The following BANP variants were observed in gnomAD, a reference collection of about 807,000 sequenced individuals.
BANP encodes BTG3 associated nuclear protein.
BANP carries 11 observed loss-of-function variants against 68.1 expected under a neutral mutation model. That is an observed-to-expected ratio of 0.16 (90% CI 0.10 to 0.27). The LOEUF (loss-of-function observed/expected upper bound fraction) is 0.27. Among genes scored for constraint, BANP ranks in the 10% least tolerant of loss-of-function variants. BANP has a pLI of 1.00. For synonymous variants in BANP, 329 were observed against 303.2 expected, an observed-to-expected ratio of 1.09 and a Z score of -0.88; for missense variants, 504 against 722.7, an observed-to-expected ratio of 0.70 and a Z score of 3.47.
At chr16:87,982,591 A>G (rs1193938121) in intron 3 of BANP, 6 of 152,204 alleles carry the variant, frequency 3.9e-5, no homozygotes, top group Admixed American at 2.6e-4. Context: ...CGTGGGCTTG[A>G]GTCCACCTGA....
intron 4 of BANP, among the ~76,000 whole-genome samples, chr16:87,994,060 G>C (rs374107450): frequency 3.9e-5 from 6 of 152,190 alleles, no homozygotes; most frequent in African/African-American, 1.4e-4. Flanking sequence ...ACCAGGATGC[G>C]GTGTTTGGAG....
At chr16:88,031,252 C>T (rs191934999) in intron 8 of BANP, among the ~76,000 whole-genome samples, 2 of 152,358 alleles carry the variant, frequency 1.3e-5, no homozygotes, top group East Asian at 3.9e-4. Context: ...CCACATGCAG[C>T]ATGCAGGTGG....
chr16:87,997,096 T>C (rs773499964), intron 4 of BANP, among the ~76,000 whole-genome samples: 6 of 152,178 alleles, frequency 3.9e-5, no homozygotes, highest in Non-Finnish European at 8.8e-5. Flanking sequence ...AAGCTCAGCG[T>C]AGAAAATGTT....
At chr16:87,993,214 T>G (rs967078704) in intron 4 of BANP, among the ~76,000 whole-genome samples, 9 of 152,212 alleles carry the variant, frequency 5.9e-5, no homozygotes, top group Non-Finnish European at 8.8e-5. Flanking sequence ...CTGAGGTGGC[T>G]CTTCAGCATT....
chr16:87,953,090 G>A (rs117600351), intron 1 of BANP, among the ~76,000 whole-genome samples: 1 of 151,898 alleles, frequency 6.6e-6, no homozygotes, highest in South Asian at 2.1e-4. Context: ...CAGAGGCTGC[G>A]TCCACTTTAT....
At chr16:88,011,701 A>C (rs1013951275) in intron 6 of BANP, among the ~76,000 whole-genome samples, 1 of 152,176 alleles carries the variant, frequency 6.6e-6, no homozygotes, top group Non-Finnish European at 1.5e-5. Flanking sequence ...ATGTCACATA[A>C]TCATAAAGTC....
chr16:88,026,975 G>A (rs2077122272), intron 7 of BANP, among the ~76,000 whole-genome samples: 2 of 152,254 alleles, frequency 1.3e-5, no homozygotes, highest in Non-Finnish European at 2.9e-5. Context: ...GGGCCAGGTG[G>A]TTATCCAGGG....
At chr16:88,069,632 A>T (rs2089785554) in intron 12 of BANP, among the ~76,000 whole-genome samples, 1 of 152,054 alleles carries the variant, frequency 6.6e-6, no homozygotes, top group Non-Finnish European at 1.5e-5. Flanking sequence ...ACTGCTCCTA[A>T]CCCCACCCAG....
rs558747295 is a variant in BANP at position 88,072,903 on chromosome 16, A to C, written c.1521+691A>C. Among the ~76,000 whole-genome samples the C allele has an allele frequency of 4.6e-5, 7 of 152,040 alleles. No homozygotes were observed. In the East Asian group the frequency reaches 1.2e-3, roughly 25 times the overall value. On this transcript the variant is annotated intron_variant, in intron 13 of 13. Coordinates refer to ENST00000682872, the MANE Select transcript of BANP (RefSeq NM_001386991.1). ...CCAGCGGGGACGTTGTCCTTGTTCT[A>C]CCTCCAGCCTGGTGGTTGGCTGCTG...
chr16:87,964,151 A>G (rs1399197870), intron 1 of BANP, among the ~76,000 whole-genome samples: 3 of 152,230 alleles, frequency 2.0e-5, no homozygotes, highest in East Asian at 1.9e-4. Flanking sequence ...ACACACTTTG[A>G]AAACCTTAAT....
At chr16:87,984,460 G>A (rs920749791) in intron 4 of BANP, among the ~76,000 whole-genome samples, 1 of 152,244 alleles carries the variant, frequency 6.6e-6, no homozygotes, top group Admixed American at 6.5e-5. Context: ...ATGACCTGAA[G>A]TCATCCTCAC....
intron 4 of BANP, among the ~76,000 whole-genome samples, chr16:87,988,571 CAAATATTTTG>C (rs1485486137): frequency 6.6e-6 from 1 of 152,090 alleles, no homozygotes; most frequent in Admixed American, 6.5e-5. Context: ...GGCCGGGACT[CAAATATTTTG>C]AATGAAGATT....
chr16:88,065,470 A>G, intron 12 of BANP, 138 bp downstream of exon 12: 1 of 585,402 alleles, frequency 1.7e-6, no homozygotes, highest in South Asian at 2.3e-5. Flanking sequence ...CAGTTGAGCC[A>G]CATCTGTGAG....
chr16:88,065,153 C>T, intron 11 of BANP, 114 bp from the exon 12 acceptor site: 1 of 591,338 alleles, frequency 1.7e-6, no homozygotes, highest in Admixed American at 2.8e-5. Flanking sequence ...ACCACAGACC[C>T]CGTGGCTTTA....
At chr16:88,023,197 G>A (rs2076336490) in intron 7 of BANP, among the ~76,000 whole-genome samples, 1 of 152,186 alleles carries the variant, frequency 6.6e-6, no homozygotes, top group South Asian at 2.1e-4. Context: ...GTGGGCTTCA[G>A]GCAGAAAAGT....
chr16:87,975,475 G>A (rs912271455), intron 2 of BANP, among the ~76,000 whole-genome samples: 2 of 152,186 alleles, frequency 1.3e-5, no homozygotes, highest in South Asian at 2.1e-4. Context: ...CTCCCCTGCC[G>A]CGTCCCTGTG....
intron 6 of BANP, among the ~76,000 whole-genome samples, chr16:88,008,001 GAAGC>G (rs1383899871): frequency 6.6e-6 from 1 of 152,150 alleles, no homozygotes; most frequent in Non-Finnish European, 1.5e-5. Context: ...ACCCCCAGAA[GAAGC>G]CCTGTGCCCA....
rs758436714 is a variant in BANP, at chr16:88,057,951, G to A, written c.1312-7316G>A. 3.9e-5 allele frequency among the ~76,000 whole-genome samples: 6 copies of A among 152,316 alleles called. No individual in the cohort carries two copies. The South Asian group carries it at 8.3e-4, about 21-fold the overall frequency. ...AGGCGCCGAGGCTCGGTGTGGGCCCGTGGGCCTGATTGAAGTCACACTCCT... is the reference window on the plus strand; with the variant it reads ...AGGCGCCGAGGCTCGGTGTGGGCCCATGGGCCTGATTGAAGTCACACTCCT... On this transcript the variant is annotated intron_variant, in intron 11 of 13. Transcript: ENST00000682872. The surrounding 1 kb of genome is among the most constrained non-coding windows in gnomAD (Gnocchi z 4.6).
chr16:87,982,523 A>G (rs1403030118), intron 3 of BANP: 1 of 152,212 alleles, frequency 6.6e-6, no homozygotes, highest in African/African-American at 2.4e-5. Context: ...ACGACGATGC[A>G]TGTTTGTCAT....
Sources: allele counts gnomAD v4.1 joint callset (sites outside exome capture counted in the v4.1 genomes callset), GRCh38; gene constraint gnomAD v4.1.1; non-coding constraint Gnocchi (gnomAD v3.1); transcripts MANE v1.5; gene names NCBI Gene and HGNC (gene_info 2026-07-23, HGNC 2026-07-21).